Variants in DMD observed in about 807,000 individuals in gnomAD.
The protein encoded by DMD is dystrophin, also known as mutant dystrophin.
In DMD, 63 loss-of-function variants were observed where a neutral mutation model predicts 330.1. The observed-to-expected ratio is 0.19, with a 90% confidence interval of 0.16 to 0.24. DMD has a LOEUF of 0.24. DMD is among the 10% of genes least tolerant of loss of function. The probability of loss-of-function intolerance (pLI) is 1.00; values close to 1 mark genes in which losing one functional copy is unlikely to be tolerated. For missense variants in DMD, 3,344 were observed against 2,684.1 expected (o/e 1.25, Z -5.43); for synonymous variants, 1,223 against 959.8 (o/e 1.27, Z -5.07).
chrX:32,011,401 T>C (rs1223140729), intron 44 of DMD, among the ~76,000 whole-genome samples: 6 of 111,512 alleles, frequency 5.4e-5, no homozygotes, highest in Non-Finnish European at 1.1e-4. Flanking sequence ...GCACCAGTCA[T>C]TGTCTATTTC....
chrX:33,061,049 G>A (rs1387505209), intron 1 of DMD, among the ~76,000 whole-genome samples: 3 of 111,598 alleles, frequency 2.7e-5, no homozygotes, highest in South Asian at 3.7e-4. Flanking sequence ...AACATCTTAC[G>A]GGATCAATGT....
In DMD at chrX:31,849,319, A is replaced by G. The variant is rs1288296779; in HGVS notation, c.7099-12500T>C. On this transcript the variant is annotated intron_variant, in intron 48 of 78. Coordinates refer to ENST00000357033, the MANE Select transcript of DMD (RefSeq NM_004006.3). ...GAATGGGGAGTGCAGACACACAAAT[A>G]TATACTACATTTAGAGCAGGTCAGG... Among the ~76,000 whole-genome samples, 23 of 111,001 alleles carry G rather than the reference A, an allele frequency of 2.1e-4. No homozygotes were observed. In the Admixed American group the frequency reaches 2.2e-3, roughly 11 times the overall value.
In DMD at chrX:32,441,686, A is replaced by C. The variant is rs2098282014; in HGVS notation, c.3787-372T>G. ...ACCAGTATTCTGTGACCTCCTCTGA[A>C]ATTTATCATATATAATTTGATAGTT... On this transcript the variant is annotated intron_variant, in intron 27 of 78. Coordinates refer to ENST00000357033, the MANE Select transcript of DMD (RefSeq NM_004006.3). Among the ~76,000 whole-genome samples the C allele has an allele frequency of 3.6e-5, 4 of 111,624 alleles. No homozygotes were observed. The South Asian group carries it at 1.4e-3, about 40-fold the overall frequency.
chrX:31,519,694 C>T (rs939913308), intron 55 of DMD, among the ~76,000 whole-genome samples: 6 of 112,056 alleles, frequency 5.4e-5, no homozygotes, highest in African/African-American at 1.9e-4. Context: ...TCATCAGACA[C>T]AACTGTATTC....
Position 32,944,987 on chromosome X carries a change from C to T in DMD, c.93+75152G>A, listed in dbSNP as rs1022678. Among the ~76,000 whole-genome samples the T allele has an allele frequency of 0.01, 1,151 of 111,001 alleles. 49 individuals are homozygous for T. In the East Asian group the frequency reaches 0.17, roughly 16 times the overall value. On this transcript the variant is annotated intron_variant, in intron 2 of 78. Transcript: ENST00000357033. ...AGGTTTTCAACATTTTCTATTAATC[C>T]TCATCTATATTGCTGCCAGATAAAC...
intron 42 of DMD, among the ~76,000 whole-genome samples, chrX:32,306,630 T>C (rs2097541311): frequency 9.0e-6 from 1 of 110,824 alleles, no homozygotes; most frequent in East Asian, 2.9e-4. Flanking sequence ...TTTCTTTCCT[T>C]CCATTTATTT....
intron 26 of DMD, among the ~76,000 whole-genome samples, chrX:32,451,042 T>C (rs2098327966): frequency 9.0e-6 from 1 of 111,348 alleles, no homozygotes; most frequent in Non-Finnish European, 1.9e-5. Context: ...GGCTCTTGTT[T>C]CTTTCCATGA....
chrX:31,884,230 A>T (rs1202336887), intron 47 of DMD, among the ~76,000 whole-genome samples: 1 of 111,878 alleles, frequency 8.9e-6, no homozygotes, highest in Non-Finnish European at 1.9e-5. Flanking sequence ...AATAGCCAAG[A>T]TATGGAATCA....
chrX:32,576,683 G>A lies in DMD; in HGVS notation c.1603-2837C>T, dbSNP rs1484778881. On this transcript the variant is annotated intron_variant, in intron 13 of 78. Coordinates refer to ENST00000357033, the MANE Select transcript of DMD (RefSeq NM_004006.3). ...CATTTAATATTTTCTGACTGTGGTT[G>A]ACTGCCAGTAATTGAAGCCAAGGAG... Among the ~76,000 whole-genome samples, 4 of 95,811 alleles carry A rather than the reference G, an allele frequency of 4.2e-5. No homozygotes were observed. In the East Asian group the frequency reaches 1.5e-3, roughly 36 times the overall value. The allele number at this position is 95,811 out of a possible 115,157, so 83.2% of individuals were successfully genotyped here. A position where few individuals can be genotyped will look rare whatever the true frequency, so the allele number is the denominator to read the frequency against.
At chrX:32,668,462 G>C (rs142533105) in intron 9 of DMD, among the ~76,000 whole-genome samples, 1,613 of 111,665 alleles carry the variant, frequency 0.014, 70 homozygotes, top group Admixed American at 0.11. Flanking sequence ...TCATGTTTTT[G>C]ACAGGGCTTG....
chrX:32,501,984 C>A (rs1311834282), intron 18 of DMD, 142 bp from the exon 19 acceptor site: 1 of 474,835 alleles, frequency 2.1e-6, no homozygotes, highest in Non-Finnish European at 3.7e-6. Flanking sequence ...TTTTTCTCAA[C>A]ACTTTTGCCA....
intron 44 of DMD, among the ~76,000 whole-genome samples, chrX:31,994,052 C>T (rs1224842216): frequency 9.0e-6 from 1 of 111,159 alleles, no homozygotes; most frequent in African/African-American, 3.3e-5. Flanking sequence ...AGCTAAAAAC[C>T]TGCTATTCCC....
intron 19 of DMD, among the ~76,000 whole-genome samples, chrX:32,497,718 C>T (rs1049558441): frequency 1.8e-5 from 2 of 111,340 alleles, no homozygotes; most frequent in Non-Finnish European, 3.8e-5. Context: ...AAAAGGATTA[C>T]GTCTAATCCT....
intron 74 of DMD, among the ~76,000 whole-genome samples, chrX:31,162,689 A>T (rs766174176): frequency 2.7e-5 from 3 of 111,469 alleles, no homozygotes; most frequent in African/African-American, 9.8e-5. Flanking sequence ...GTCTCCTCCT[A>T]AAAAAGCTTT....
At chrX:31,264,082 T>C (rs1461826879) in intron 62 of DMD, among the ~76,000 whole-genome samples, 1 of 112,292 alleles carries the variant, frequency 8.9e-6, no homozygotes, top group Non-Finnish European at 1.9e-5. Flanking sequence ...GCATAACTCA[T>C]ATCTATCTTG....
At chrX:33,036,583 G>A (rs1030132203) in intron 1 of DMD, among the ~76,000 whole-genome samples, 6 of 110,795 alleles carry the variant, frequency 5.4e-5, no homozygotes, top group Non-Finnish European at 1.1e-4. Flanking sequence ...AAATTATAAT[G>A]GATTTAGGTG....
chrX:33,290,784 G>A (rs918844693), intron 1 of DMD, among the ~76,000 whole-genome samples: 3 of 110,993 alleles, frequency 2.7e-5, no homozygotes, highest in African/African-American at 9.8e-5. Context: ...CCAGAAAGTC[G>A]AATTTCTTTC....
intron 2 of DMD, among the ~76,000 whole-genome samples, chrX:32,852,437 G>A (rs1411667103): frequency 9.0e-6 from 1 of 111,260 alleles, no homozygotes; most frequent in Non-Finnish European, 1.9e-5. Flanking sequence ...GAGCCATGCT[G>A]TCTTTGGGTG....
intron 1 of DMD, among the ~76,000 whole-genome samples, chrX:33,041,136 G>C (rs2094292434): frequency 8.8e-6 from 1 of 113,069 alleles, no homozygotes; most frequent in Admixed American, 9.3e-5. Flanking sequence ...GAGAATAACA[G>C]TACCTTAAAA....
Sources: gnomAD v4.1 joint callset for allele counts (sites outside exome capture counted in the v4.1 genomes callset) on GRCh38, gnomAD v4.1.1 for gene constraint, MANE v1.5 for transcripts, NCBI Gene and HGNC (gene_info 2026-07-23, HGNC 2026-07-21) for gene names.